PLAAT1: variants seen among roughly 807,000 people sequenced by gnomAD.
PLAAT1 encodes phospholipase A and acyltransferase 1, also known as H-REV107 protein-related protein.
Under a neutral mutation model 16.4 loss-of-function variants are expected in PLAAT1, and 13 were observed. The ratio of observed to expected loss-of-function variants is 0.79; its 90% CI spans 0.52 to 1.26. PLAAT1 has a LOEUF of 1.26. PLAAT1 is among the 50% of genes most tolerant of loss of function. The pLI is 0.00. For synonymous variants in PLAAT1, 73 were observed against 78.4 expected, an observed-to-expected ratio of 0.93 and a Z score of 0.36; for missense variants, 218 against 207.8, an observed-to-expected ratio of 1.05 and a Z score of -0.30.
At position 193,244,986 on chromosome 3, in the gene PLAAT1, G is replaced by T. The variant is rs1304239223; in HGVS notation, c.-1+3453G>T. Among the ~76,000 whole-genome samples, 3 of 152,162 alleles carry T rather than the reference G, an allele frequency of 2.0e-5. No homozygotes were observed. In the East Asian group the frequency reaches 5.8e-4, roughly 29 times the overall value. Reference sequence around the variant, plus strand: ...TTCAGTTTCAACATGCATTTTGGAGGAGACAAACATTCAAACCATAGCACA... The same window carrying T: ...TTCAGTTTCAACATGCATTTTGGAGTAGACAAACATTCAAACCATAGCACA... On this transcript the variant is annotated intron_variant, in intron 1 of 3. Transcript: ENST00000264735.
chr3:193,275,354 G>A, downstream of PLAAT1: 1 of 1,589,410 alleles, frequency 6.3e-7, no homozygotes, highest in Non-Finnish European at 8.5e-7. Context: ...TCCCCCTGCA[G>A]CCAGGCCGCT....
At chr3:193,262,856 AAGTT>A in intron 2 of PLAAT1, 110 bp from the exon 3 acceptor site, 1 of 1,042,262 alleles carries the variant, frequency 9.6e-7, no homozygotes, top group African/African-American at 1.6e-5. Flanking sequence ...GTTTGATAAT[AAGTT>A]AGGAACAGGG....
chr3:193,253,130 C>T (rs190490657), intron 1 of PLAAT1, among the ~76,000 whole-genome samples: 1 of 152,244 alleles, frequency 6.6e-6, no homozygotes, highest in Non-Finnish European at 1.5e-5. Flanking sequence ...ATCTGAAGTA[C>T]CTTTCTGTAG....
chr3:193,272,373 C>T (rs980662225), downstream of PLAAT1, among the ~76,000 whole-genome samples: 3 of 152,000 alleles, frequency 2.0e-5, no homozygotes, highest in South Asian at 2.1e-4. Flanking sequence ...AACCCAGGAG[C>T]GGAGGTTGCA....
chr3:193,249,082 G>GT (rs1716093003), intron 1 of PLAAT1, among the ~76,000 whole-genome samples: 1 of 152,096 alleles, frequency 6.6e-6, no homozygotes, highest in Non-Finnish European at 1.5e-5. Context: ...CAGGATTGCT[G>GT]AGTGTAGTAT....
chr3:193,244,364 A>G (rs111829396), intron 1 of PLAAT1, among the ~76,000 whole-genome samples: 10 of 152,098 alleles, frequency 6.6e-5, no homozygotes, highest in African/African-American at 2.4e-4. Flanking sequence ...TGAATGAGTG[A>G]TCCAGTTAAT....
downstream of PLAAT1, among the ~76,000 whole-genome samples, chr3:193,272,337 G>A (rs1435602395): frequency 6.6e-6 from 1 of 152,144 alleles, no homozygotes; most frequent in African/African-American, 2.4e-5. Context: ...CAGCTACTCA[G>A]GAGGCTGAGG....
At chr3:193,269,557 GCTGTGGTT>G (rs1223247979) in intron 3 of PLAAT1, among the ~76,000 whole-genome samples, 1 of 152,192 alleles carries the variant, frequency 6.6e-6, no homozygotes, top group African/African-American at 2.4e-5. Context: ...ACGGTGGAAG[GCTGTGGTT>G]AGACAGAGGG....
intron 2 of PLAAT1, among the ~76,000 whole-genome samples, chr3:193,260,771 T>G (rs964522076): frequency 2.6e-5 from 4 of 152,060 alleles, no homozygotes; most frequent in African/African-American, 9.7e-5. Flanking sequence ...GTTCAGCCAC[T>G]GTGGAAAGCA....
At chr3:193,274,395 G>A (rs1440653548), downstream of PLAAT1, among the ~76,000 whole-genome samples, 2 of 152,188 alleles carry the variant, frequency 1.3e-5, no homozygotes, top group African/African-American at 2.4e-5. Flanking sequence ...TATACACTGA[G>A]TGATGCCAAA....
At chr3:193,277,458 C>T (rs925422695) in intron 2 of PLAAT1, among the ~76,000 whole-genome samples, 10 of 152,110 alleles carry the variant, frequency 6.6e-5, no homozygotes, top group Admixed American at 1.3e-4. Context: ...GTTACACAGC[C>T]TTTTTTCTGA....
chr3:193,263,263 C>A, intron 3 of PLAAT1, 28 bp downstream of exon 3: 1 of 1,600,256 alleles, frequency 6.2e-7, no homozygotes, highest in Non-Finnish European at 8.5e-7. Flanking sequence ...GATATTCTTA[C>A]ATTGAGAAAA....
upstream of PLAAT1, among the ~76,000 whole-genome samples, chr3:193,240,654 C>CGTGTGT (rs370008875): frequency 0.11 from 9,289 of 88,384 alleles, 603 homozygotes; most frequent in East Asian, 0.23. Flanking sequence ...GGCTATCTGG[C>CGTGTGT]GTGTGTGTGT....
In PLAAT1 at chr3:193,262,962, C is replaced by T. The variant is rs982805009; in HGVS notation, c.140-8C>T. The T allele has an allele frequency of 1.7e-5, 28 of 1,613,778 alleles. No individual in the cohort carries two copies. The highest frequency in any genetic ancestry group is 2.4e-5 in the Non-Finnish European group (28 of 1,179,860). On this transcript the variant is annotated splice_polypyrimidine_tract_variant and splice_region_variant and intron_variant, in intron 2 of 3. Transcript: ENST00000264735. ...CTATACCTTACTAACCAGAATTCTACTTTATAGATGGCATTCCTGCGTCCT... is the reference window on the plus strand; with the variant it reads ...CTATACCTTACTAACCAGAATTCTATTTTATAGATGGCATTCCTGCGTCCT...
downstream of PLAAT1, among the ~76,000 whole-genome samples, chr3:193,280,252 A>G (rs9866818): frequency 1.4e-3 from 212 of 151,970 alleles, 2 homozygotes; most frequent in African/African-American, 5.0e-3. Context: ...ATGGGGTTTC[A>G]CCATATTGGC....
intron 1 of PLAAT1, among the ~76,000 whole-genome samples, chr3:193,246,452 C>A (rs140083147): frequency 6.6e-6 from 1 of 152,102 alleles, no homozygotes; most frequent in African/African-American, 2.4e-5. Context: ...GCAACCTCCA[C>A]CCGCATCGAG....
downstream of PLAAT1, among the ~76,000 whole-genome samples, chr3:193,271,686 TATGCTATCATC>T (rs1716985135): frequency 6.6e-6 from 1 of 152,194 alleles, no homozygotes; most frequent in Admixed American, 6.5e-5. Flanking sequence ...ACATCCGTCT[TATGCTATCATC>T]AAAAGCTTGG....
At position 193,249,899 on chromosome 3, in the gene PLAAT1, C is replaced by T. The variant is rs2108782835; in HGVS notation, c.1-5752C>T. Among the ~76,000 whole-genome samples the T allele has an allele frequency of 2.0e-5, 3 of 152,098 alleles. 1 individual carries two copies. In the South Asian group the frequency reaches 6.2e-4, roughly 32 times the overall value. On this transcript the variant is annotated intron_variant, in intron 1 of 3. Transcript: ENST00000264735. ...AAGTTCCCAGTTTTTTCATGCATTG[C>T]TTTCCCTACCTCAATAAAAATTGTT...
At position 193,263,236 on chromosome 3, in the gene PLAAT1, G is replaced by A; in HGVS notation, c.405+1G>A. 5.0e-6 allele frequency: 8 copies of A among 1,612,784 alleles called. No individual in the cohort carries two copies. The highest frequency in any genetic ancestry group is 1.1e-5 in the South Asian group (1 of 91,012). On this transcript the variant is annotated splice_donor_variant, in intron 3 of 3. Coordinates refer to ENST00000264735, the MANE Select transcript of PLAAT1 (RefSeq NM_020386.5). LOFTEE classifies it high-confidence loss of function. ...CTATGGAGAAGGAGTTTCAGAGCAG[G>A]TAAGTTTTCTTTAGGAGATATTCTT...
Sources: allele counts gnomAD v4.1 joint callset (sites outside exome capture counted in the v4.1 genomes callset), GRCh38; gene constraint gnomAD v4.1.1; transcripts MANE v1.5; gene names NCBI Gene and HGNC (gene_info 2026-07-23, HGNC 2026-07-21).